Variants in SVIL observed in about 807,000 individuals in gnomAD.
SVIL encodes archvillin.
A neutral mutation model predicts 240.4 loss-of-function variants in SVIL; 101 were observed. That is an observed-to-expected ratio of 0.42 (90% CI 0.36 to 0.50). SVIL has a LOEUF of 0.50. Ranked by LOEUF, SVIL falls within the 20% of genes least tolerant of loss-of-function variation. The pLI, the probability that SVIL is intolerant of heterozygous loss-of-function variation, is 0.01. For synonymous variants in SVIL, 999 were observed against 1,100.0 expected (o/e 0.91, Z 1.82); for missense variants, 2,512 against 2,818.7 (o/e 0.89, Z 2.46).
At chr10:29,601,558 A>C (rs1207720969) in intron 1 of SVIL, among the ~76,000 whole-genome samples, 3 of 152,346 alleles carry the variant, frequency 2.0e-5, no homozygotes, top group Admixed American at 2.0e-4. Context: ...GGCGCATTTC[A>C]GGATTGAACC....
intron 1 of SVIL, among the ~76,000 whole-genome samples, chr10:29,588,994 C>T (rs1178173614): frequency 1.3e-5 from 2 of 151,170 alleles, no homozygotes; most frequent in African/African-American, 4.9e-5. Flanking sequence ...GGACATTCAT[C>T]CCACTGGGAC....
At chr10:29,625,636 G>A (rs556939181) in intron 1 of SVIL, among the ~76,000 whole-genome samples, 5 of 152,136 alleles carry the variant, frequency 3.3e-5, no homozygotes, top group African/African-American at 9.6e-5. Flanking sequence ...ATAATTTTTT[G>A]TATTTTTAGT....
intron 6 of SVIL, among the ~76,000 whole-genome samples, chr10:29,549,081 C>T (rs1307137729): frequency 1.3e-5 from 2 of 151,246 alleles, no homozygotes; most frequent in African/African-American, 4.9e-5. Context: ...GAACAGGCAA[C>T]CCACAAAATG....
chr10:29,616,216 T>C (rs1957421122), intron 1 of SVIL, among the ~76,000 whole-genome samples: 2 of 152,192 alleles, frequency 1.3e-5, no homozygotes, highest in South Asian at 2.1e-4. Context: ...TTTTGTATTT[T>C]AGTAGAGGCA....
At chr10:29,543,850 C>T (rs1371644575) in intron 6 of SVIL, among the ~76,000 whole-genome samples, 1 of 152,148 alleles carries the variant, frequency 6.6e-6, no homozygotes, top group Non-Finnish European at 1.5e-5. Context: ...TGGGGTGAGC[C>T]AACCCTTCAC....
At chr10:29,582,810 C>A (rs1301999671) in intron 1 of SVIL, among the ~76,000 whole-genome samples, 3 of 151,944 alleles carry the variant, frequency 2.0e-5, no homozygotes, top group Non-Finnish European at 4.4e-5. Flanking sequence ...GTGGCTGCAT[C>A]CCAGGACATA....
intron 2 of SVIL, among the ~76,000 whole-genome samples, chr10:29,659,322 T>C (rs1959091261): frequency 6.6e-6 from 1 of 152,176 alleles, no homozygotes; most frequent in Admixed American, 6.5e-5. Flanking sequence ...AAGTCTTTTG[T>C]CTTAGGCTAT....
chr10:29,510,218 A>G (rs370582307), intron 17 of SVIL, among the ~76,000 whole-genome samples: 99 of 152,158 alleles, frequency 6.5e-4, no homozygotes, highest in Non-Finnish European at 1.1e-3. Context: ...ATAATAAAAG[A>G]CCTAAAATGA....
chr10:29,701,032 T>A (rs1437112370), intron 1 of SVIL, among the ~76,000 whole-genome samples: 1 of 152,162 alleles, frequency 6.6e-6, no homozygotes, highest in Non-Finnish European at 1.5e-5. Flanking sequence ...AGGGCTGAAG[T>A]GTGCACACAG....
At chr10:29,726,397 T>C (rs757621445) in intron 1 of SVIL, among the ~76,000 whole-genome samples, 9 of 152,206 alleles carry the variant, frequency 5.9e-5, no homozygotes, top group Non-Finnish European at 1.0e-4. Context: ...ACTCTACTAC[T>C]TATTGTCATA....
At chr10:29,485,238 G>C (rs1160769846) in intron 26 of SVIL, among the ~76,000 whole-genome samples, 1 of 151,308 alleles carries the variant, frequency 6.6e-6, no homozygotes, top group Non-Finnish European at 1.5e-5. Flanking sequence ...AGGCACTCAT[G>C]GTCCAGTGGT....
At chr10:29,614,709 TA>T (rs1957369742) in intron 1 of SVIL, among the ~76,000 whole-genome samples, 3 of 152,086 alleles carry the variant, frequency 2.0e-5, no homozygotes, top group Admixed American at 2.0e-4. Context: ...ATACCTAATG[TA>T]AATGATGAGT....
upstream of SVIL, among the ~76,000 whole-genome samples, chr10:29,639,007 C>G (rs1431326958): frequency 6.6e-6 from 1 of 152,148 alleles, no homozygotes; most frequent in African/African-American, 2.4e-5. Context: ...TTGGCTCAGG[C>G]TGGTCTTGAA....
At chr10:29,574,820 A>G (rs1261279226) in intron 1 of SVIL, among the ~76,000 whole-genome samples, 6 of 152,196 alleles carry the variant, frequency 3.9e-5, no homozygotes, top group Admixed American at 6.5e-5. Context: ...AGAAGGAGAC[A>G]TCAGGCCAGC....
chr10:29,544,962 C>T (rs766742360), intron 6 of SVIL: 3 of 533,002 alleles, frequency 5.6e-6, no homozygotes, highest in Non-Finnish European at 1.2e-5. Flanking sequence ...GTGAGGAGGA[C>T]CCAGATGTCT....
chr10:29,675,705 T>C (rs978253992), intron 2 of SVIL, among the ~76,000 whole-genome samples: 1 of 152,040 alleles, frequency 6.6e-6, no homozygotes, highest in Non-Finnish European at 1.5e-5. Context: ...TTATCCACCC[T>C]CCCAATAGAA....
chr10:29,648,538 A>G (rs1386250895), intron 3 of SVIL, among the ~76,000 whole-genome samples: 2 of 152,344 alleles, frequency 1.3e-5, no homozygotes, highest in African/African-American at 4.8e-5. Context: ...CCCGACCCTC[A>G]TCATGATGAG....
chr10:29,478,696 G>C (rs552433530), intron 29 of SVIL, among the ~76,000 whole-genome samples: 1 of 151,992 alleles, frequency 6.6e-6, no homozygotes, highest in Admixed American at 6.6e-5. Flanking sequence ...TGAAGTGGGA[G>C]GATGGTTTGA....
rs1248467321 is a variant in SVIL at position 29,584,982 on chromosome 10, G to A, written c.-200-15670C>T. On this transcript the variant is annotated intron_variant, in intron 1 of 37. Transcript: ENST00000355867. ...AGTGCTGCAATCACAGCTCACTGAA[G>A]CCTCGACTTCGGGTTTGAGCAGTCC... Among the ~76,000 whole-genome samples, 4 of 152,264 alleles carry A rather than the reference G, an allele frequency of 2.6e-5. No individual in the cohort carries two copies. In the East Asian group the frequency reaches 5.8e-4, roughly 22 times the overall value.
Sources: gnomAD v4.1 joint callset for allele counts (sites outside exome capture counted in the v4.1 genomes callset) on GRCh38, gnomAD v4.1.1 for gene constraint, MANE v1.5 for transcripts, NCBI Gene and HGNC (gene_info 2026-07-23, HGNC 2026-07-21) for gene names.